Variants in UBE2D3 observed in about 807,000 individuals in gnomAD.
UBE2D3 encodes ubiquitin conjugating enzyme E2 D3.
In UBE2D3, 2 loss-of-function variants were observed where a neutral mutation model predicts 22.8. That is an observed-to-expected ratio of 0.09 (90% CI 0.04 to 0.28). The LOEUF is 0.28. Ranked by LOEUF, UBE2D3 falls within the 10% of genes least tolerant of loss-of-function variation. UBE2D3 has a pLI of 1.00. For synonymous variants in UBE2D3, 56 were observed against 60.4 expected (o/e 0.93, Z 0.34); for missense variants, 27 against 182.5 (o/e 0.15, Z 4.91).
At chr4:102,805,495 CT>C (rs5860731) in intron 4 of UBE2D3, among the ~76,000 whole-genome samples, 3,395 of 140,424 alleles carry the variant, frequency 0.024, 65 homozygotes, top group African/African-American at 0.065. Context: ...CGTTGGTATT[CT>C]TTTTTTTTTT....
chr4:102,814,351 T>C (rs568245961), intron 2 of UBE2D3, among the ~76,000 whole-genome samples: 1 of 151,664 alleles, frequency 6.6e-6, no homozygotes, highest in East Asian at 1.9e-4. Flanking sequence ...TGCAGTGGTG[T>C]GATCTTGGTT....
upstream of UBE2D3, among the ~76,000 whole-genome samples, chr4:102,830,953 G>T (rs903625048): frequency 1.3e-5 from 2 of 152,138 alleles, no homozygotes; most frequent in Admixed American, 6.5e-5. Flanking sequence ...TTTCAGTGAG[G>T]CCACGTTATT....
intron 6 of UBE2D3, among the ~76,000 whole-genome samples, chr4:102,800,246 T>C (rs1478653797): frequency 1.3e-5 from 2 of 151,694 alleles, no homozygotes; most frequent in African/African-American, 4.8e-5. Flanking sequence ...AAAAAAGCAA[T>C]AGTATAAAAA....
intron 1 of UBE2D3, among the ~76,000 whole-genome samples, chr4:102,854,989 G>A (rs552392914): frequency 1.4e-4 from 22 of 152,328 alleles, no homozygotes; most frequent in African/African-American, 5.3e-4. Flanking sequence ...GTCTGTTGAA[G>A]TGAGTTGCCA....
intron 2 of UBE2D3, among the ~76,000 whole-genome samples, chr4:102,815,175 CT>C (rs1728618505): frequency 6.6e-6 from 1 of 151,974 alleles, no homozygotes. Flanking sequence ...TTCCGAGTAA[CT>C]GGAACTAGAG....
At chr4:102,798,394 GTTCT>G (rs975501629) in intron 7 of UBE2D3, among the ~76,000 whole-genome samples, 3 of 150,296 alleles carry the variant, frequency 2.0e-5, no homozygotes, top group African/African-American at 7.4e-5. Context: ...TTTTTAAAAA[GTTCT>G]TTCTACCAAT....
At chr4:102,813,471 T>C (rs952649065) in intron 2 of UBE2D3, among the ~76,000 whole-genome samples, 6 of 152,194 alleles carry the variant, frequency 3.9e-5, no homozygotes, top group African/African-American at 1.4e-4. Context: ...AAGCATGAGA[T>C]TGGCATTAAG....
chr4:102,803,161 G>C (rs1422313605), intron 4 of UBE2D3, among the ~76,000 whole-genome samples: 7 of 152,100 alleles, frequency 4.6e-5, no homozygotes, highest in Non-Finnish European at 8.8e-5. Flanking sequence ...TACATGCATT[G>C]CCCCTATTTT....
At chr4:102,827,001 A>G (rs1578271134) in intron 1 of UBE2D3, 22 of 997,320 alleles carry the variant, frequency 2.2e-5, no homozygotes, top group Non-Finnish European at 2.5e-5. Flanking sequence ...AGGGGGAAGC[A>G]TAAGACTCCG....
chr4:102,807,469 C>T (rs17033306), intron 4 of UBE2D3, among the ~76,000 whole-genome samples: 1 of 152,104 alleles, frequency 6.6e-6, no homozygotes, highest in African/African-American at 2.4e-5. Flanking sequence ...TTTACCCAAC[C>T]AACAGTGAGA....
At chr4:102,828,829 G>GTATCC (rs1181702061), upstream of UBE2D3, among the ~76,000 whole-genome samples, 1 of 152,156 alleles carries the variant, frequency 6.6e-6, no homozygotes, top group Non-Finnish European at 1.5e-5. Flanking sequence ...GCTCTCTAGT[G>GTATCC]TATCCTTCAG....
At chr4:102,811,628 C>T (rs536104393) in intron 2 of UBE2D3, 18 of 311,490 alleles carry the variant, frequency 5.8e-5, no homozygotes, top group Non-Finnish European at 9.3e-5. Context: ...CTGCAGATCG[C>T]GCCACTGCAC....
intron 2 of UBE2D3, chr4:102,825,444 A>G (rs1167880606): frequency 1.8e-6 from 2 of 1,138,784 alleles, no homozygotes; most frequent in South Asian, 1.9e-5. Flanking sequence ...AACGCGATAT[A>G]AAAGTTAACA....
chr4:102,815,317 G>A (rs1198411339), intron 2 of UBE2D3, among the ~76,000 whole-genome samples: 1 of 152,086 alleles, frequency 6.6e-6, no homozygotes, highest in African/African-American at 2.4e-5. Flanking sequence ...TGGGATTACA[G>A]GCGTGAGCCA....
At chr4:102,805,316 A>G (rs539826130) in intron 4 of UBE2D3, among the ~76,000 whole-genome samples, 12 of 152,268 alleles carry the variant, frequency 7.9e-5, no homozygotes, top group African/African-American at 2.9e-4. Flanking sequence ...ACTACACCAA[A>G]AAGAAACAAA....
intron 2 of UBE2D3, chr4:102,825,779 G>A (rs1480391423): frequency 6.5e-6 from 3 of 461,200 alleles, no homozygotes; most frequent in Admixed American, 4.7e-5. Flanking sequence ...CCAGCCAAAA[G>A]GAAAAGGGAG....
chr4:102,800,538 G>C (rs772103563), intron 6 of UBE2D3, among the ~76,000 whole-genome samples: 4 of 152,082 alleles, frequency 2.6e-5, no homozygotes, highest in Non-Finnish European at 4.4e-5. Context: ...CTTGGAAACT[G>C]ATATTTAGGT....
intron 2 of UBE2D3, among the ~76,000 whole-genome samples, chr4:102,816,936 C>G (rs146869214): frequency 2.4e-4 from 36 of 152,274 alleles, no homozygotes; most frequent in Non-Finnish European, 8.8e-5. Flanking sequence ...AAAAATTATA[C>G]TTTAACAACC....
chr4:102,819,627 C>A, intron 2 of UBE2D3: 1 of 985,262 alleles, frequency 1.0e-6, no homozygotes, highest in Non-Finnish European at 1.2e-6. Context: ...CCCCCCAAGG[C>A]TTGTCAAAAT....
Sources: allele counts gnomAD v4.1 joint callset (sites outside exome capture counted in the v4.1 genomes callset), GRCh38; gene constraint gnomAD v4.1.1; transcripts MANE v1.5; gene names NCBI Gene and HGNC (gene_info 2026-07-23, HGNC 2026-07-21).